STPG4: variants seen among roughly 807,000 people sequenced by gnomAD.
STPG4 encodes the protein protein STPG4.
Under a neutral mutation model 31.5 loss-of-function variants are expected in STPG4, and 41 were observed. The ratio of observed to expected loss-of-function variants is 1.30; its 90% confidence interval spans 1.01 to 1.69. The LOEUF is 1.69. STPG4 is among the 40% of genes most tolerant of loss of function. The probability of loss-of-function intolerance (pLI) is 0.00; values close to 1 mark genes in which losing one functional copy is unlikely to be tolerated. For synonymous variants in STPG4, 141 were observed against 103.0 expected (o/e 1.37, Z -2.24); for missense variants, 375 against 293.4 (o/e 1.28, Z -2.03).
At chr2:47,097,360 C>T (rs976580175) in intron 5 of STPG4, among the ~76,000 whole-genome samples, 1 of 152,140 alleles carries the variant, frequency 6.6e-6, no homozygotes, top group Non-Finnish European at 1.5e-5. Context: ...AATCTCTGTG[C>T]TCTGCTATGG....
At chr2:47,103,566 C>A (rs927913047) in intron 5 of STPG4, among the ~76,000 whole-genome samples, 9 of 151,898 alleles carry the variant, frequency 5.9e-5, no homozygotes, top group African/African-American at 1.5e-4. Flanking sequence ...TCAGAGAGGA[C>A]AGAAAATGGA....
intron 5 of STPG4, among the ~76,000 whole-genome samples, chr2:47,107,758 C>T (rs956579748): frequency 6.6e-6 from 1 of 152,146 alleles, no homozygotes; most frequent in African/African-American, 2.4e-5. Context: ...CTGGTGGGGA[C>T]GTGGAGAACC....
intron 5 of STPG4, chr2:47,108,724 G>A (rs1685975521): frequency 6.5e-6 from 1 of 152,780 alleles, no homozygotes; most frequent in African/African-American, 2.4e-5. Flanking sequence ...CACTCCCTCA[G>A]TGTGGGTAGG....
At chr2:47,136,542 C>T (rs144879781) in intron 3 of STPG4, among the ~76,000 whole-genome samples, 4 of 152,256 alleles carry the variant, frequency 2.6e-5, no homozygotes, top group South Asian at 2.1e-4. Flanking sequence ...TGTCATCTTT[C>T]GGCGTCCTAA....
intron 5 of STPG4, chr2:47,128,766 T>A (rs1310562585): frequency 6.6e-6 from 1 of 152,280 alleles, no homozygotes; most frequent in Non-Finnish European, 1.5e-5. Flanking sequence ...AGGAGCCTGC[T>A]TGGTGCTCCA....
At chr2:47,088,233 C>A (rs1271569304) in intron 6 of STPG4, among the ~76,000 whole-genome samples, 2 of 152,170 alleles carry the variant, frequency 1.3e-5, no homozygotes, top group Non-Finnish European at 2.9e-5. Flanking sequence ...GGGTGCACCA[C>A]CACACCTGGC....
intron 3 of STPG4, among the ~76,000 whole-genome samples, chr2:47,150,795 A>AT: frequency 6.6e-6 from 1 of 151,752 alleles, no homozygotes; most frequent in Middle Eastern, 3.4e-3. Flanking sequence ...ATTTTTCTTT[A>AT]TTTTTTGTAG....
intron 5 of STPG4, chr2:47,120,918 A>C (rs1488533645): frequency 6.6e-6 from 1 of 152,246 alleles, no homozygotes; most frequent in Admixed American, 6.5e-5. Flanking sequence ...CTATACATAC[A>C]CATACACAAA....
At chr2:47,151,914 G>GT (rs1205503996) in intron 2 of STPG4, among the ~76,000 whole-genome samples, 14 of 38,158 alleles carry the variant, frequency 3.7e-4, no homozygotes, top group African/African-American at 5.2e-4. Flanking sequence ...CTAGTTTTTT[G>GT]TTTTGTTTTT....
At chr2:47,118,361 C>G (rs1686194434) in intron 5 of STPG4, among the ~76,000 whole-genome samples, 1 of 152,148 alleles carries the variant, frequency 6.6e-6, no homozygotes, top group Admixed American at 6.5e-5. Context: ...TCACTGTCTC[C>G]CATCACCCCC....
At chr2:47,106,192 C>T (rs1220802914) in intron 5 of STPG4, among the ~76,000 whole-genome samples, 2 of 151,956 alleles carry the variant, frequency 1.3e-5, no homozygotes, top group Non-Finnish European at 2.9e-5. Flanking sequence ...CTTTAAAAGC[C>T]AGGGTAAATT....
rs201692765 is a variant in STPG4, at chr2:47,124,795, AT to A, written c.519+5145del. 1.4e-3 allele frequency among the ~76,000 whole-genome samples: 218 copies of A among 152,278 alleles called. 5 individuals carry two copies. In the East Asian group the frequency reaches 0.041, roughly 29 times the overall value. On this transcript the variant is annotated intron_variant, in intron 5 of 6. Transcript: ENST00000445927. ...TTTTGGGTATATACCCAGCAGTGAG[AT>A]TGCTGGATCATATGGTAGCTCTATG...
chr2:47,113,741 T>C (rs1042807553), intron 5 of STPG4, among the ~76,000 whole-genome samples: 1 of 152,148 alleles, frequency 6.6e-6, no homozygotes, highest in African/African-American at 2.4e-5. Context: ...TAAAAAGTGA[T>C]GCCCAAATTT....
chr2:47,087,325 G>A (rs1685477256), intron 6 of STPG4, among the ~76,000 whole-genome samples, 195 bp from the exon 7 acceptor site: 1 of 152,232 alleles, frequency 6.6e-6, no homozygotes. Flanking sequence ...CTCCTGTTAG[G>A]GGCTCATCAT....
chr2:47,130,250 A>G lies in STPG4; in HGVS notation c.410T>C (p.Leu137Pro), dbSNP rs1472908509. The change falls in exon 4 of 7, where the codon CTT becomes CCT. Residue 137 changes from leucine (L) to proline (P), a missense_variant. Transcript: ENST00000445927. The part of the protein sequence containing the change: ...TLVDKDQSLQ[L>P]SPGQYNVLPA... ...AAGCACGTTGTATTGCCCCGGAGAA[A>G]GCTGAAGTGACTGCACAGAATGGAC... 1 of 1,613,964 alleles carries G rather than the reference A, an allele frequency of 6.2e-7. No individual in the cohort carries two copies. The highest frequency in any genetic ancestry group is 1.3e-5 in the African/African-American group (1 of 74,944).
At chr2:47,149,525 G>C (rs1295963384) in intron 3 of STPG4, among the ~76,000 whole-genome samples, 2 of 152,196 alleles carry the variant, frequency 1.3e-5, no homozygotes, top group Non-Finnish European at 1.5e-5. Context: ...AACAGGATAA[G>C]ATATACCTAA....
intron 5 of STPG4, among the ~76,000 whole-genome samples, chr2:47,124,385 T>C (rs1242552455): frequency 6.6e-6 from 1 of 152,162 alleles, no homozygotes; most frequent in African/African-American, 2.4e-5. Flanking sequence ...TTGTATCCAT[T>C]AACCATCTCC....
At chr2:47,099,377 T>G (rs1396759278) in intron 5 of STPG4, among the ~76,000 whole-genome samples, 1 of 152,202 alleles carries the variant, frequency 6.6e-6, no homozygotes, top group Non-Finnish European at 1.5e-5. Context: ...AGAGCTGCCC[T>G]GACAACGCAA....
chr2:47,090,597 G>A (rs1393650892), intron 5 of STPG4, among the ~76,000 whole-genome samples: 1 of 152,142 alleles, frequency 6.6e-6, no homozygotes, highest in Admixed American at 6.5e-5. Context: ...AGGAGTGAAG[G>A]AACGTTAGGT....
Sources: allele counts gnomAD v4.1 joint callset (sites outside exome capture counted in the v4.1 genomes callset), GRCh38; gene constraint gnomAD v4.1.1; transcripts MANE v1.5; gene names NCBI Gene and HGNC (gene_info 2026-07-23, HGNC 2026-07-21).